The following ARG2 variants were observed in gnomAD, a reference collection of about 807,000 sequenced individuals.
ARG2 encodes the protein arginase 2, also known as arginase-2, mitochondrial.
ARG2 carries 21 observed loss-of-function variants against 39.4 expected under a neutral mutation model. That is an observed-to-expected ratio of 0.53 (90% CI 0.38 to 0.77). The LOEUF is 0.77. Among genes scored for constraint, ARG2 ranks in the 30% least tolerant of loss-of-function variants. The probability of loss-of-function intolerance (pLI) is 0.00; values close to 1 mark genes in which losing one functional copy is unlikely to be tolerated. For synonymous variants in ARG2, 150 were observed against 156.7 expected (o/e 0.96, Z 0.32); for missense variants, 378 against 426.2 (o/e 0.89, Z 1.00).
intron 2 of ARG2, among the ~76,000 whole-genome samples, chr14:67,633,055 C>G (rs113873159): frequency 2.0e-5 from 3 of 151,750 alleles, no homozygotes; most frequent in African/African-American, 4.8e-5. Flanking sequence ...CTCCTGACCT[C>G]GTGATCCGCC....
intron 2 of ARG2, 142 bp from the exon 3 acceptor site, chr14:67,642,044 A>C: frequency 1.2e-6 from 1 of 832,170 alleles, no homozygotes; most frequent in South Asian, 1.8e-5. Flanking sequence ...TAATCTTCCC[A>C]CAATCATTTG....
chr14:67,645,800 A>G lies in ARG2; in HGVS notation c.520A>G (p.Lys174Glu), dbSNP rs930792175. 2 of 1,613,766 alleles carry G rather than the reference A, an allele frequency of 1.2e-6. No individual in the cohort carries two copies. The highest frequency in any genetic ancestry group is 1.7e-5 in the Admixed American group (1 of 59,968). ...ATTTCTCCTCAGAGAACTACAGGATAAGGTCAGTGGGCCAAAACGAAAAGA... is the reference window on the plus strand; with the variant it reads ...ATTTCTCCTCAGAGAACTACAGGATGAGGTCAGTGGGCCAAAACGAAAAGA... Reference protein sequence around the residue: ...VSFLLRELQDKVPQLPGFSWI... With the variant: ...VSFLLRELQDEVPQLPGFSWI... Residue 174 changes from lysine (K) to glutamate (E), a missense_variant and splice_region_variant, in exon 4 of 8, where the codon AAG (lysine) becomes GAG (glutamate). By Grantham distance (56) the Lys-to-Glu change is moderately conservative. Transcript: ENST00000261783.
intron 3 of ARG2, among the ~76,000 whole-genome samples, chr14:67,643,648 A>C (rs781537629): frequency 6.6e-6 from 1 of 152,182 alleles, no homozygotes; most frequent in Non-Finnish European, 1.5e-5. Context: ...ACACAGTGAG[A>C]TCAGGTCTCT....
chr14:67,647,634 C>T (rs1233590509), intron 6 of ARG2: 1 of 158,052 alleles, frequency 6.3e-6, no homozygotes, highest in African/African-American at 2.4e-5. Flanking sequence ...AGAATAAGAG[C>T]AACCATAACT....
chr14:67,626,441 T>C (rs1266400557), intron 2 of ARG2, among the ~76,000 whole-genome samples: 1 of 152,208 alleles, frequency 6.6e-6, no homozygotes, highest in Non-Finnish European at 1.5e-5. Flanking sequence ...TCCTCAAAGT[T>C]AAATGTATAG....
At chr14:67,643,716 T>C (rs1257363142) in intron 3 of ARG2, among the ~76,000 whole-genome samples, 1 of 152,030 alleles carries the variant, frequency 6.6e-6, no homozygotes, top group Non-Finnish European at 1.5e-5. Flanking sequence ...AACCAGGAAA[T>C]AGAGCTGGGA....
rs2037169536 is a variant in ARG2 at position 67,651,102 on chromosome 14, G to GT, written c.*188dup. On this transcript the variant is annotated 3_prime_UTR_variant, in exon 8 of 8. Coordinates refer to ENST00000261783, the MANE Select transcript of ARG2 (RefSeq NM_001172.4). ...ACCAATACTACTGTAAATGTATTTG[G>GT]TTTTTTGCAGTTCACAGGGTATTAA... The GT allele has an allele frequency of 6.6e-6, 6 of 913,490 alleles. No individual in the cohort carries two copies. The highest frequency in any genetic ancestry group is 5.2e-5 in the South Asian group (3 of 57,952). The allele number at this position is 913,490 out of a possible 1,614,324, so 56.6% of individuals were successfully genotyped here.
chr14:67,634,283 T>C (rs2036947432), intron 2 of ARG2, among the ~76,000 whole-genome samples: 1 of 152,054 alleles, frequency 6.6e-6, no homozygotes. Flanking sequence ...TATCAAACTT[T>C]AACTCTTGCA....
At chr14:67,620,164 G>A (rs939816422) in intron 1 of ARG2, 76 bp downstream of exon 1, 15 of 1,104,420 alleles carry the variant, frequency 1.4e-5, no homozygotes, top group Non-Finnish European at 1.9e-5. Flanking sequence ...GGTAGGGTGC[G>A]GGGGACCGGG....
chr14:67,645,472 G>T (rs1457717694), intron 3 of ARG2, among the ~76,000 whole-genome samples, 171 bp from the exon 4 acceptor site: 1 of 152,158 alleles, frequency 6.6e-6, no homozygotes, highest in East Asian at 1.9e-4. Flanking sequence ...TATCACTCAA[G>T]ATTAATTTTT....
chr14:67,627,581 G>C (rs1327109844), intron 2 of ARG2, among the ~76,000 whole-genome samples: 1 of 152,116 alleles, frequency 6.6e-6, no homozygotes, highest in Non-Finnish European at 1.5e-5. Context: ...TGATGTTTCT[G>C]AAGAGACTGT....
intron 2 of ARG2, among the ~76,000 whole-genome samples, chr14:67,638,720 A>C (rs1456664187): frequency 6.6e-6 from 1 of 152,186 alleles, no homozygotes; most frequent in African/African-American, 2.4e-5. Flanking sequence ...CAAGGTATAA[A>C]TCCCTTTAGA....
intron 2 of ARG2, among the ~76,000 whole-genome samples, chr14:67,630,610 C>A (rs978486072): frequency 3.3e-5 from 5 of 152,172 alleles, no homozygotes; most frequent in African/African-American, 1.2e-4. Context: ...GATGGAGTCT[C>A]GCTCTGTCGC....
chr14:67,629,880 G>A (rs1035908144), intron 2 of ARG2, among the ~76,000 whole-genome samples: 2 of 151,958 alleles, frequency 1.3e-5, no homozygotes, highest in African/African-American at 4.8e-5. Flanking sequence ...GCAAATTTTT[G>A]AGTTGTACAT....
chr14:67,626,189 G>C (rs374690642), intron 2 of ARG2, among the ~76,000 whole-genome samples: 4 of 152,118 alleles, frequency 2.6e-5, no homozygotes, highest in Non-Finnish European at 5.9e-5. Context: ...AGGAGGTGGA[G>C]GTTGCAGTGA....
intron 2 of ARG2, among the ~76,000 whole-genome samples, chr14:67,638,226 A>G (rs936392842): frequency 6.6e-6 from 1 of 152,164 alleles, no homozygotes; most frequent in African/African-American, 2.4e-5. Context: ...AATATTATGT[A>G]TTATGCCTAT....
At chr14:67,643,897 A>G (rs2037064642) in intron 3 of ARG2, among the ~76,000 whole-genome samples, 1 of 150,740 alleles carries the variant, frequency 6.6e-6, no homozygotes, top group Admixed American at 6.6e-5. Context: ...CAGGTTGAAG[A>G]AAACGGTCAC....
At chr14:67,635,936 T>C (rs2036967570) in intron 2 of ARG2, among the ~76,000 whole-genome samples, 1 of 152,200 alleles carries the variant, frequency 6.6e-6, no homozygotes, top group South Asian at 2.1e-4. Flanking sequence ...TATTTGAGTC[T>C]GTAACTTTAA....
rs1394717877 is a variant in ARG2 at position 67,620,101 on chromosome 14, A to C, written c.111+13A>C. 2 of 1,567,754 alleles carry C rather than the reference A, an allele frequency of 1.3e-6. No homozygotes were observed. Among genetic ancestry groups the C allele is most frequent in the Non-Finnish European group, 1.7e-6 (2 of 1,152,014 alleles). On this transcript the variant is annotated intron_variant, in intron 1 of 7. Transcript: ENST00000261783. Reference sequence around the variant, plus strand: ...CTCACAAGGGCAGGTGAGAACTGGCACCTGGAACCGCCGGGCAGGATCCTC... The same window carrying C: ...CTCACAAGGGCAGGTGAGAACTGGCCCCTGGAACCGCCGGGCAGGATCCTC...
Sources: gnomAD v4.1 joint callset for allele counts (sites outside exome capture counted in the v4.1 genomes callset) on GRCh38, gnomAD v4.1.1 for gene constraint, MANE v1.5 for transcripts, NCBI Gene and HGNC (gene_info 2026-07-23, HGNC 2026-07-21) for gene names.